Variants in TMEM276 observed in about 807,000 individuals in gnomAD.
TMEM276 encodes the protein transmembrane protein 276.
At chr8:144,466,005 GTC>G in the TMEM276 span, 2 of 100,612 alleles carry the variant, frequency 2.0e-5, no homozygotes, top group Non-Finnish European at 4.3e-5. Flanking sequence ...AGGAGGGGGG[GTC>G]TGGGCGGGGC....
the TMEM276 span, chr8:144,465,087 C>T: frequency 6.6e-7 from 1 of 1,519,690 alleles, no homozygotes. Context: ...CCTGAGGCCA[C>T]TGCACACACC....
chr8:144,464,215 G>A, the TMEM276 span: 12 of 1,613,088 alleles, frequency 7.4e-6, no homozygotes, highest in South Asian at 4.4e-5. Flanking sequence ...ATCCTCCTTC[G>A]GTAGCAGCAG....
chr8:144,464,522 G>A, the TMEM276 span: 7 of 1,612,224 alleles, frequency 4.3e-6, no homozygotes, highest in African/African-American at 5.3e-5. Context: ...GCTCCAGCAA[G>A]GCAGTCTTCG....
the TMEM276 span, chr8:144,465,324 A>T: frequency 1.1e-6 from 1 of 933,706 alleles, no homozygotes; most frequent in African/African-American, 2.2e-5. Context: ...ACGGCGCAGG[A>T]CTCCGGGAGG....
At chr8:144,464,584 A>G in the TMEM276 span, 1 of 1,609,880 alleles carries the variant, frequency 6.2e-7, no homozygotes, top group Admixed American at 1.7e-5. Flanking sequence ...GACCTGGAGC[A>G]GGAAGCCAGC....
the TMEM276 span, chr8:144,465,043 G>A: frequency 7.2e-6 from 11 of 1,533,008 alleles, no homozygotes; most frequent in Non-Finnish European, 8.7e-6. Context: ...ATTACTGGAT[G>A]TTAGGAGAAG....
chr8:144,466,503 C>A, the TMEM276 span: 1 of 1,301,074 alleles, frequency 7.7e-7, no homozygotes, highest in Non-Finnish European at 9.8e-7. Context: ...CCGCGGAGCC[C>A]GGGGACCCCG....
the TMEM276 span, chr8:144,466,361 G>A: frequency 1.4e-6 from 1 of 698,384 alleles, no homozygotes; most frequent in Non-Finnish European, 1.9e-6. Context: ...CGGGCGCCGA[G>A]TCTGGGCGCG....
chr8:144,465,945 G>A, the TMEM276 span: 1 of 134,750 alleles, frequency 7.4e-6, no homozygotes, highest in Admixed American at 7.3e-5. Flanking sequence ...GGACCGAGAG[G>A]GGAGGAGCCT....
the TMEM276 span, chr8:144,464,289 C>A: frequency 2.5e-6 from 4 of 1,613,284 alleles, no homozygotes; most frequent in Admixed American, 6.7e-5. Flanking sequence ...CCCCCCACAT[C>A]CCATAAGTGT....
chr8:144,465,709 CG>C, the TMEM276 span: 1 of 34,806 alleles, frequency 2.9e-5, no homozygotes, highest in African/African-American at 1.3e-4. Context: ...AGGGCCGGGG[CG>C]GGGCTGCGAG....
the TMEM276 span, chr8:144,463,924 C>A: frequency 1.4e-6 from 2 of 1,441,552 alleles, no homozygotes; most frequent in Non-Finnish European, 1.8e-6. Context: ...TGTCTGGGAC[C>A]CTGTCCCTTT....
At chr8:144,464,688 G>T in the TMEM276 span, 17 of 1,573,024 alleles carry the variant, frequency 1.1e-5, no homozygotes, top group Non-Finnish European at 8.6e-6. Flanking sequence ...AGGGTTTGGG[G>T]CTTCCATGGA....
chr8:144,464,050 G>A, the TMEM276 span: 2 of 1,550,196 alleles, frequency 1.3e-6, no homozygotes, highest in South Asian at 1.2e-5. Flanking sequence ...TACCCCTAGG[G>A]AGAAGGCGCC....
chr8:144,466,265 C>G, the TMEM276 span: 1 of 208,022 alleles, frequency 4.8e-6, no homozygotes, highest in Admixed American at 5.9e-5. Flanking sequence ...GTTTCTAGTA[C>G]CCCCGTCCCC....
At chr8:144,466,185 T>G in the TMEM276 span, 1 of 170,568 alleles carries the variant, frequency 5.9e-6, no homozygotes. Context: ...GTGTCCGCGG[T>G]GTAGGGGTTG....
At chr8:144,464,673 A>G in the TMEM276 span, 1 of 1,570,428 alleles carries the variant, frequency 6.4e-7, no homozygotes, top group Non-Finnish European at 8.6e-7. Context: ...CCTTTTAAAC[A>G]GGAAAGGGTT....
At chr8:144,466,873 C>A in the TMEM276 span, 28 of 1,535,872 alleles carry the variant, frequency 1.8e-5, no homozygotes, top group Admixed American at 3.9e-5. Flanking sequence ...GGTGCGAGGG[C>A]GGTGCCGGGA....
the TMEM276 span, chr8:144,465,488 G>A: frequency 2.1e-6 from 2 of 965,996 alleles, no homozygotes; most frequent in Non-Finnish European, 2.5e-6. Context: ...CTCCACCAGC[G>A]AGAGGAGCGG....
Sources: allele counts gnomAD v4.1 joint callset, GRCh38; gene constraint gnomAD v4.1.1; transcripts MANE v1.5; gene names NCBI Gene and HGNC (gene_info 2026-07-23, HGNC 2026-07-21).